CREB3L1: variants seen among roughly 807,000 people sequenced by gnomAD.
CREB3L1 encodes the protein cyclic AMP-responsive element-binding protein 3-like protein 1.
In CREB3L1, 33 loss-of-function variants were observed where a neutral mutation model predicts 54.5. The ratio of observed to expected loss-of-function variants is 0.61; its 90% CI spans 0.46 to 0.81. The LOEUF is 0.81. CREB3L1 is among the 30% of genes least tolerant of loss of function. The pLI is 0.00. For missense variants in CREB3L1, 656 were observed against 673.3 expected (o/e 0.97, Z 0.29); for synonymous variants, 284 against 286.4 (o/e 0.99, Z 0.08).
chr11:46,298,505 C>A (rs1323824999), intron 1 of CREB3L1, among the ~76,000 whole-genome samples: 6 of 152,220 alleles, frequency 3.9e-5, no homozygotes, highest in Non-Finnish European at 8.8e-5. Context: ...TGAGACCAGC[C>A]TAGCCAACAT....
At chr11:46,293,830 T>TCTGTGTGATC (rs1182416326) in intron 1 of CREB3L1, among the ~76,000 whole-genome samples, 1 of 152,196 alleles carries the variant, frequency 6.6e-6, no homozygotes, top group Non-Finnish European at 1.5e-5. Flanking sequence ...CGTGACCATG[T>TCTGTGTGATC]CTGTGTGATC....
In CREB3L1 at chr11:46,312,373, C is replaced by A. The variant is rs1378914897; in HGVS notation, c.802C>A (p.Arg268=). The change falls in exon 6 of 12, where the codon CGG becomes AGG. Residue 268 remains arginine, a synonymous_variant. Coordinates refer to ENST00000621158, the MANE Select transcript of CREB3L1 (RefSeq NM_052854.4). Reference sequence around the variant, plus strand: ...ACTGCTCCTGACAGAGGAGGAGAAGCGGACCCTGATTGCTGAGGGCTACCC... The same window carrying A: ...ACTGCTCCTGACAGAGGAGGAGAAGAGGACCCTGATTGCTGAGGGCTACCC... The part of the protein sequence containing the change: ...GPLLLTEEEK[R]TLIAEGYPIP... 2.5e-6 allele frequency: 4 copies of A among 1,612,836 alleles called. No individual in the cohort carries two copies. The highest frequency in any genetic ancestry group is 3.4e-6 in the Non-Finnish European group (4 of 1,179,444).
intron 2 of CREB3L1, among the ~76,000 whole-genome samples, chr11:46,300,464 C>G (rs572410168): frequency 2.6e-4 from 40 of 152,384 alleles, no homozygotes; most frequent in African/African-American, 9.4e-4. Context: ...GGTTCCACCC[C>G]CAACCTGCTG....
chr11:46,319,091 A>C (rs1253559380), intron 10 of CREB3L1, among the ~76,000 whole-genome samples: 1 of 152,202 alleles, frequency 6.6e-6, no homozygotes, highest in Non-Finnish European at 1.5e-5. Flanking sequence ...GGGTTGATGG[A>C]TAAAGCCACA....
chr11:46,315,866 T>C (rs1323100549), intron 8 of CREB3L1: 1 of 176,312 alleles, frequency 5.7e-6, no homozygotes, highest in East Asian at 1.2e-4. Context: ...ATAGCTACCA[T>C]TTACTAGACA....
At chr11:46,319,392 T>C (rs973155792) in intron 10 of CREB3L1, among the ~76,000 whole-genome samples, 10 of 152,226 alleles carry the variant, frequency 6.6e-5, no homozygotes, top group African/African-American at 1.2e-4. Flanking sequence ...AGCTGCCTCC[T>C]CTGGGAAGCG....
intron 1 of CREB3L1, among the ~76,000 whole-genome samples, chr11:46,287,199 AG>A (rs1382674258): frequency 6.6e-6 from 1 of 152,240 alleles, no homozygotes; most frequent in Non-Finnish European, 1.5e-5. Context: ...GGTAAAACAT[AG>A]GGTTCTTAAG....
intron 1 of CREB3L1, among the ~76,000 whole-genome samples, chr11:46,294,112 G>A (rs938472881): frequency 2.6e-5 from 4 of 152,190 alleles, no homozygotes; most frequent in Admixed American, 1.3e-4. Flanking sequence ...GCCCACATCT[G>A]TGTAGCATGT....
Position 46,321,246 on chromosome 11 carries a change from G to A in CREB3L1, c.*500G>A, listed in dbSNP as rs1939648478. 6.5e-6 allele frequency: 2 copies of A among 307,246 alleles called. No homozygotes were observed. The highest frequency in any genetic ancestry group is 1.3e-5 in the Non-Finnish European group (2 of 157,790). The allele number at this position is 307,246 out of a possible 1,614,324, so 19.0% of individuals were successfully genotyped here. ...TTGTTTTATATTTTATGAAGTTAGTGCGGGCTTTGCTGCTCCCTGGCCCAG... is the reference window on the plus strand; with the variant it reads ...TTGTTTTATATTTTATGAAGTTAGTACGGGCTTTGCTGCTCCCTGGCCCAG... On this transcript the variant is annotated 3_prime_UTR_variant, in exon 12 of 12. Transcript: ENST00000621158.
intron 5 of CREB3L1, 99 bp downstream of exon 5, chr11:46,311,288 G>C: frequency 7.3e-7 from 1 of 1,377,854 alleles, no homozygotes; most frequent in South Asian, 1.6e-5. Context: ...CCCCGAGACT[G>C]ATCCCCACCC....
At chr11:46,300,653 G>A (rs912036493) in intron 2 of CREB3L1, among the ~76,000 whole-genome samples, 35 of 151,668 alleles carry the variant, frequency 2.3e-4, no homozygotes, top group South Asian at 4.2e-4. Flanking sequence ...TGGATCACCC[G>A]AGGTCAGGAG....
chr11:46,299,323 G>C (rs887135420), intron 1 of CREB3L1, among the ~76,000 whole-genome samples: 3 of 152,066 alleles, frequency 2.0e-5, no homozygotes, highest in Non-Finnish European at 4.4e-5. Context: ...TCCATATAAA[G>C]GATGGCTTGG....
chr11:46,313,611 G>A (rs552380809), intron 8 of CREB3L1, among the ~76,000 whole-genome samples: 24 of 152,162 alleles, frequency 1.6e-4, no homozygotes, highest in South Asian at 1.5e-3. Context: ...ACTTGAATCC[G>A]AGAGGCGGCA....
chr11:46,310,161 A>C, intron 4 of CREB3L1, 94 bp downstream of exon 4: 1 of 897,284 alleles, frequency 1.1e-6, no homozygotes, highest in South Asian at 1.5e-5. Flanking sequence ...ATCTCTTGAC[A>C]ACCTTCCCCC....
chr11:46,283,183 C>T (rs1939005087), intron 1 of CREB3L1, among the ~76,000 whole-genome samples: 1 of 151,732 alleles, frequency 6.6e-6, no homozygotes, highest in East Asian at 2.0e-4. Flanking sequence ...AAAGCCAGAC[C>T]CTGTCTCTAA....
intron 3 of CREB3L1, 102 bp from the exon 4 acceptor site, chr11:46,309,887 C>A: frequency 2.3e-6 from 2 of 887,380 alleles, no homozygotes; most frequent in Non-Finnish European, 3.6e-6. Flanking sequence ...ACTTCCCCAA[C>A]TGTGCAGGGC....
intron 2 of CREB3L1, among the ~76,000 whole-genome samples, chr11:46,304,930 G>A (rs1490681744): frequency 6.6e-6 from 1 of 152,198 alleles, no homozygotes; most frequent in Non-Finnish European, 1.5e-5. Flanking sequence ...CGGTGGCCAG[G>A]CCCTGTAATT....
Position 46,317,984 on chromosome 11 carries a change from G to A in CREB3L1, c.1258+497G>A, listed in dbSNP as rs181807061. ...TGTAATCCCAGCACTTTGGGAGGCC[G>A]AGGCGGTGGATCACCTGAGGTCAGG... On this transcript the variant is annotated intron_variant, in intron 10 of 11. Transcript: ENST00000621158. Among the ~76,000 whole-genome samples, 13 of 152,326 alleles carry A rather than the reference G, an allele frequency of 8.5e-5. No homozygotes were observed. The East Asian group carries it at 1.5e-3, about 18-fold the overall frequency.
Position 46,278,221 on chromosome 11 carries a change from G to T in CREB3L1, c.102+8G>T. Reference sequence around the variant, plus strand: ...GACTTCCTCAACAATGCGGTAAGATGAAGGGTCTCCGTTCCCGTTCCACCC... The same window carrying T: ...GACTTCCTCAACAATGCGGTAAGATTAAGGGTCTCCGTTCCCGTTCCACCC... On this transcript the variant is annotated splice_region_variant and intron_variant, in intron 1 of 11. Transcript: ENST00000621158. This position sits in a 1 kb window ranked among gnomAD's most constrained non-coding sequence, Gnocchi z 4.2. 6.5e-7 allele frequency: 1 copy of T among 1,538,826 alleles called. No homozygotes were observed. Among genetic ancestry groups the T allele is most frequent in the Non-Finnish European group, 8.8e-7 (1 of 1,135,952 alleles).
Sources: allele counts gnomAD v4.1 joint callset (sites outside exome capture counted in the v4.1 genomes callset), GRCh38; gene constraint gnomAD v4.1.1; non-coding constraint Gnocchi (gnomAD v3.1); transcripts MANE v1.5; gene names NCBI Gene and HGNC (gene_info 2026-07-23, HGNC 2026-07-21).